TBXAS1: variants seen among roughly 807,000 people sequenced by gnomAD.
TBXAS1 encodes thromboxane-A synthase.
A neutral mutation model predicts 60.7 loss-of-function variants in TBXAS1; 48 were observed. That is an observed-to-expected ratio of 0.79 (90% CI 0.63 to 1.01). The LOEUF is 1.01. TBXAS1 is among the 50% of genes least tolerant of loss of function. The pLI, the probability that TBXAS1 is intolerant of heterozygous loss-of-function variation, is 0.00. For missense variants in TBXAS1, 685 were observed against 686.3 expected, an observed-to-expected ratio of 1.00 and a Z score of 0.02; for synonymous variants, 287 against 269.7, an observed-to-expected ratio of 1.06 and a Z score of -0.63.
intron 10 of TBXAS1, among the ~76,000 whole-genome samples, chr7:140,011,459 A>G (rs967316810): frequency 8.5e-5 from 13 of 152,228 alleles, no homozygotes; most frequent in Admixed American, 4.6e-4. Flanking sequence ...TATATAGTCT[A>G]CCCTTTAAAA....
rs143096956 is a variant in TBXAS1 at position 139,903,924 on chromosome 7, T to C, written c.237-7301T>C. Among the ~76,000 whole-genome samples the C allele has an allele frequency of 1.0e-3, 158 of 152,262 alleles. 2 individuals carry two copies. The highest frequency in any genetic ancestry group is 3.8e-3 in the African/African-American group (156 of 41,502). The stretch of plus-strand genomic sequence containing the variant: ...GGTTGTCTGTTGACTCTGTTGACTG[T>C]TCCTTTTACCGTACAAAAGCTCTTT... On this transcript the variant is annotated intron_variant, in intron 3 of 12. Coordinates refer to ENST00000448866, the MANE Select transcript of TBXAS1 (RefSeq NM_001061.7).
chr7:139,868,654 T>A (rs1051672077), intron 1 of TBXAS1, among the ~76,000 whole-genome samples: 1 of 132,984 alleles, frequency 7.5e-6, no homozygotes, highest in Admixed American at 7.7e-5. Flanking sequence ...TGGCTAATAT[T>A]TTTTTTTTTT....
chr7:139,997,896 T>C (rs1286540705), intron 9 of TBXAS1, among the ~76,000 whole-genome samples: 1 of 152,220 alleles, frequency 6.6e-6, no homozygotes, highest in Non-Finnish European at 1.5e-5. Flanking sequence ...CAGAAACCTG[T>C]ACTCTGTTCA....
chr7:139,818,648 G>A (rs1798214678), intron 4 of TBXAS1, among the ~76,000 whole-genome samples: 1 of 152,176 alleles, frequency 6.6e-6, no homozygotes, highest in Admixed American at 6.5e-5. Context: ...CCATTATTGG[G>A]CCTGTGCCTG....
chr7:139,940,145 CAGCTCCCCTTTGCATATGAAG>C (rs1173641851), intron 5 of TBXAS1, among the ~76,000 whole-genome samples: 1 of 152,130 alleles, frequency 6.6e-6, no homozygotes. Context: ...ATTCCAAAAG[CAGCTCCCCTTTGCATATGAAG>C]AGCAGAGGGT....
At chr7:139,895,681 C>T (rs914186078) in intron 3 of TBXAS1, among the ~76,000 whole-genome samples, 1 of 152,244 alleles carries the variant, frequency 6.6e-6, no homozygotes, top group African/African-American at 2.4e-5. Context: ...GTCTTGATGT[C>T]ATCACATCAT....
chr7:140,015,408 A>G (rs886117625), intron 10 of TBXAS1, among the ~76,000 whole-genome samples: 1 of 152,182 alleles, frequency 6.6e-6, no homozygotes, highest in Non-Finnish European at 1.5e-5. Flanking sequence ...TTGCACCCCG[A>G]CATGGGGCAC....
intron 9 of TBXAS1, among the ~76,000 whole-genome samples, chr7:140,000,794 T>A (rs1813618997): frequency 6.6e-6 from 1 of 152,232 alleles, no homozygotes; most frequent in Admixed American, 6.5e-5. Flanking sequence ...AATTTCTTTC[T>A]CCCTTAACAC....
At chr7:139,992,889 G>A (rs1033726119) in intron 9 of TBXAS1, among the ~76,000 whole-genome samples, 9 of 152,206 alleles carry the variant, frequency 5.9e-5, no homozygotes, top group Non-Finnish European at 1.2e-4. Flanking sequence ...AAGGGAATTA[G>A]GCCTGGTGCA....
rs753761062 is a variant in TBXAS1 at position 139,911,278 on chromosome 7, A to C, written c.290A>C (p.Lys97Thr). 3 of 1,614,068 alleles carry C rather than the reference A, an allele frequency of 1.9e-6. No homozygotes were observed. In the Admixed American group the frequency reaches 5.0e-5, roughly 27 times the overall value. ...GTTATTTCTGAGCCAGACATGATCAAGCAGGTGTTGGTTGAGAACTTCAGT... is the reference window on the plus strand; with the variant it reads ...GTTATTTCTGAGCCAGACATGATCACGCAGGTGTTGGTTGAGAACTTCAGT... ...FIVISEPDMI[K>T]QVLVENFSNF... The change falls in exon 4 of 13, where the codon AAG becomes ACG. Residue 97 changes from lysine (K) to threonine (T), a missense_variant. Transcript: ENST00000448866.
intron 7 of TBXAS1, 173 bp from the exon 8 acceptor site, chr7:139,957,461 G>C: frequency 1.3e-6 from 1 of 762,660 alleles, no homozygotes. Flanking sequence ...GAGGAGTACC[G>C]AGAGGGAGTG....
intron 9 of TBXAS1, among the ~76,000 whole-genome samples, chr7:139,986,557 T>C (rs1812471757): frequency 6.6e-6 from 1 of 151,118 alleles, no homozygotes; most frequent in South Asian, 2.1e-4. Context: ...CATTGTATCA[T>C]TCTTATGCCT....
intron 9 of TBXAS1, among the ~76,000 whole-genome samples, chr7:139,968,085 G>T (rs1216159985): frequency 1.3e-5 from 2 of 152,166 alleles, no homozygotes; most frequent in Admixed American, 1.3e-4. Context: ...CAATAATTCA[G>T]ATTCTCTACT....
At chr7:139,820,831 A>G (rs1341621934) in intron 4 of TBXAS1, among the ~76,000 whole-genome samples, 1 of 152,108 alleles carries the variant, frequency 6.6e-6, no homozygotes, top group African/African-American at 2.4e-5. Flanking sequence ...AATTCAATAA[A>G]TAATTCTTGG....
chr7:139,907,311 A>G (rs1239064430), intron 3 of TBXAS1, among the ~76,000 whole-genome samples: 2 of 152,182 alleles, frequency 1.3e-5, no homozygotes, highest in African/African-American at 4.8e-5. Context: ...TCAGGCAGTT[A>G]ATATGGTGAA....
chr7:139,850,151 A>T (rs992281541), intron 1 of TBXAS1, among the ~76,000 whole-genome samples: 2 of 152,204 alleles, frequency 1.3e-5, no homozygotes, highest in East Asian at 3.9e-4. Flanking sequence ...AAAAAGAGAC[A>T]CTTGTCTTGC....
At chr7:139,911,143 AT>A in intron 3 of TBXAS1, 81 bp from the exon 4 acceptor site, 2 of 1,207,156 alleles carry the variant, frequency 1.7e-6, no homozygotes, top group South Asian at 1.2e-5. Context: ...TTTATCCCTC[AT>A]TCTAAGCTAC....
intron 1 of TBXAS1, among the ~76,000 whole-genome samples, chr7:139,860,776 G>C (rs903417638): frequency 1.3e-5 from 2 of 152,200 alleles, no homozygotes; most frequent in Admixed American, 1.3e-4. Context: ...CTCCAGAGCT[G>C]TCAGAGAATA....
rs1809773648 is a variant in TBXAS1 at position 139,955,453 on chromosome 7, C to G, written c.540-6C>G. The G allele has an allele frequency of 6.2e-7, 1 of 1,614,064 alleles. No homozygotes were observed. The highest frequency in any genetic ancestry group is 1.1e-5 in the South Asian group (1 of 91,088). ...TTTCAGATCTCTGTGCTCCCATCTC[C>G]CGTAGGTGCTACTGCAATTACACCA... On this transcript the variant is annotated splice_region_variant and splice_polypyrimidine_tract_variant and intron_variant, in intron 6 of 12. Coordinates refer to ENST00000448866, the MANE Select transcript of TBXAS1 (RefSeq NM_001061.7).
Sources: allele counts gnomAD v4.1 joint callset (sites outside exome capture counted in the v4.1 genomes callset), GRCh38; gene constraint gnomAD v4.1.1; transcripts MANE v1.5; gene names NCBI Gene and HGNC (gene_info 2026-07-23, HGNC 2026-07-21).